PCID2: variants seen among roughly 807,000 people sequenced by gnomAD.
PCID2 encodes the protein PCI domain-containing protein 2.
Under a neutral mutation model 61.3 loss-of-function variants are expected in PCID2, and 41 were observed. The observed-to-expected ratio is 0.67, with a 90% CI of 0.52 to 0.87. The LOEUF is 0.87. Ranked by LOEUF, PCID2 falls within the 40% of genes least tolerant of loss-of-function variation. The probability of loss-of-function intolerance (pLI) is 0.00; values close to 1 mark genes in which losing one functional copy is unlikely to be tolerated. For missense variants in PCID2, 392 were observed against 493.4 expected (o/e 0.79, Z 1.95); for synonymous variants, 187 against 177.8 (o/e 1.05, Z -0.41).
chr13:113,184,360 CT>C lies in PCID2; in HGVS notation c.670del (p.Ser224AlafsTer27), dbSNP rs200240552. On this transcript the variant is annotated frameshift_variant, in exon 9 of 14. Coordinates refer to ENST00000337344, the MANE Select transcript of PCID2 (RefSeq NM_001127202.4). LOFTEE classifies it high-confidence loss of function. ...TAGCAACATACCTTGCTTAAAATCGCTGTCAAACATAGCCTTGCGTCCAACG... is the reference window on the plus strand; with the variant it reads ...TAGCAACATACCTTGCTTAAAATCGCGTCAAACATAGCCTTGCGTCCAACG... Reference protein sequence around the residue: ...YYVGRKAMFDSDFKQAEEYLS... With the variant: ...YYVGRKAMFDXDFKQAEEYLS... 13 of 1,613,344 alleles carry C rather than the reference CT, an allele frequency of 8.1e-6. No homozygotes were observed. The East Asian group carries it at 8.9e-5, about 11-fold the overall frequency.
intron 3 of PCID2, among the ~76,000 whole-genome samples, chr13:113,197,594 A>G (rs962099427): frequency 6.6e-6 from 1 of 152,212 alleles, no homozygotes; most frequent in Non-Finnish European, 1.5e-5. Context: ...TCTGGAACCT[A>G]TCGCACACTG....
chr13:113,207,608 A>G (rs1000141513), intron 1 of PCID2, among the ~76,000 whole-genome samples: 1 of 152,250 alleles, frequency 6.6e-6, no homozygotes, highest in Non-Finnish European at 1.5e-5. Context: ...AAAAACATAC[A>G]TCCATTTCTT....
chr13:113,190,286 T>C (rs1452576424), intron 7 of PCID2, among the ~76,000 whole-genome samples: 1 of 135,118 alleles, frequency 7.4e-6, no homozygotes, highest in Non-Finnish European at 1.6e-5. Flanking sequence ...TGAATGCCAA[T>C]GATAAAGAGA....
chr13:113,199,840 C>A (rs1006282487), intron 2 of PCID2, among the ~76,000 whole-genome samples: 1 of 152,104 alleles, frequency 6.6e-6, no homozygotes, highest in African/African-American at 2.4e-5. Context: ...GTCTGTACAC[C>A]GCCAAACATA....
At chr13:113,207,259 A>G (rs2039944517) in intron 1 of PCID2, among the ~76,000 whole-genome samples, 1 of 152,258 alleles carries the variant, frequency 6.6e-6, no homozygotes, top group Non-Finnish European at 1.5e-5. Flanking sequence ...ATATGAATGC[A>G]AAAGGAAACA....
chr13:113,204,772 C>T lies in PCID2; in HGVS notation c.36+3827G>A, dbSNP rs971960007. 4.6e-5 allele frequency among the ~76,000 whole-genome samples: 7 copies of T among 152,180 alleles called. No homozygotes were observed. In the East Asian group the frequency reaches 1.2e-3, roughly 25 times the overall value. On this transcript the variant is annotated intron_variant, in intron 1 of 13. Transcript: ENST00000337344. Reference sequence around the variant, plus strand: ...GAGGAAAAGCAGGGATGGCAACGGACGGTACTTGCAAGCCCTAAAGGTGCG... The same window carrying T: ...GAGGAAAAGCAGGGATGGCAACGGATGGTACTTGCAAGCCCTAAAGGTGCG...
intron 7 of PCID2, among the ~76,000 whole-genome samples, chr13:113,189,156 C>CTAT (rs1256463597): frequency 2.0e-5 from 3 of 152,126 alleles, no homozygotes; most frequent in Non-Finnish European, 2.9e-5. Context: ...GCCTCCCCTT[C>CTAT]TATCTCCTGC....
downstream of PCID2, among the ~76,000 whole-genome samples, chr13:113,177,207 G>A (rs747818707): frequency 2.0e-5 from 3 of 152,084 alleles, no homozygotes; most frequent in African/African-American, 4.8e-5. Flanking sequence ...GCATGATCTC[G>A]GCTCACTGCA....
rs891598263 is a variant in PCID2 at position 113,200,595 on chromosome 13, C to G, written c.37-79G>C. On this transcript the variant is annotated intron_variant, in intron 1 of 13. Transcript: ENST00000337344. ...AGAACCTACAACAATACACTGAATG[C>G]CACACAGGGGAAAATTCATTTTCCC... is the stretch of plus-strand genomic sequence containing the variant. 4.5e-6 allele frequency: 4 copies of G among 898,126 alleles called. No individual in the cohort carries two copies. The African/African-American group carries it at 6.6e-5, about 15-fold the overall frequency. 55.6% of individuals were successfully genotyped at this position (898,126 alleles called of 1,614,324 possible). A position where few individuals can be genotyped will look rare whatever the true frequency, so the allele number is the denominator to read the frequency against.
intron 3 of PCID2, among the ~76,000 whole-genome samples, chr13:113,197,473 G>A (rs1413277952): frequency 3.3e-5 from 5 of 152,250 alleles, no homozygotes; most frequent in Admixed American, 1.3e-4. Flanking sequence ...GCAGGTTTAT[G>A]AGTAACACAT....
At chr13:113,181,314 C>T (rs2037617902) in intron 9 of PCID2, 84 bp from the exon 10 acceptor site, 1 of 809,572 alleles carries the variant, frequency 1.2e-6, no homozygotes, top group Admixed American at 2.0e-5. Flanking sequence ...CCACTGTCTC[C>T]TGATTTAAAA....
At chr13:113,202,090 A>T (rs1028122733) in intron 1 of PCID2, among the ~76,000 whole-genome samples, 1 of 152,202 alleles carries the variant, frequency 6.6e-6, no homozygotes, top group Non-Finnish European at 1.5e-5. Flanking sequence ...AGGCTCACAC[A>T]TTGGTGATGG....
intron 1 of PCID2, among the ~76,000 whole-genome samples, chr13:113,200,994 A>C (rs1234004973): frequency 1.3e-5 from 2 of 152,218 alleles, no homozygotes; most frequent in East Asian, 3.8e-4. Context: ...TCAGTGGTTT[A>C]TCATGTAGCT....
chr13:113,202,696 G>A (rs1241619125), intron 1 of PCID2, among the ~76,000 whole-genome samples: 2 of 152,190 alleles, frequency 1.3e-5, no homozygotes, highest in African/African-American at 4.8e-5. Flanking sequence ...GTTTATGTCT[G>A]TGTGTGTGTC....
At chr13:113,197,315 C>CAGG in intron 3 of PCID2, 72 bp from the exon 4 acceptor site, 2 of 1,045,868 alleles carry the variant, frequency 1.9e-6, no homozygotes, top group Admixed American at 3.4e-5. Context: ...ACACAGCTCA[C>CAGG]TTCATTGCAC....
intron 7 of PCID2, chr13:113,187,045 G>A (rs1010335650): frequency 2.6e-5 from 4 of 152,158 alleles, no homozygotes; most frequent in Non-Finnish European, 4.4e-5. Flanking sequence ...GCAGGTCTAT[G>A]ACTTTTATCA....
chr13:113,176,194 A>C (rs975699178), downstream of PCID2, among the ~76,000 whole-genome samples: 4 of 152,282 alleles, frequency 2.6e-5, no homozygotes, highest in Non-Finnish European at 5.9e-5. Flanking sequence ...TTTGTAGAAT[A>C]GCCTCTCCTT....
At position 113,196,970 on chromosome 13, in the gene PCID2, CCTTA is replaced by C. The variant is rs377234862; in HGVS notation, c.266+204_266+207del. The C allele has an allele frequency of 3.6e-5, 48 of 1,316,768 alleles. No individual in the cohort carries two copies. The African/African-American group carries it at 4.3e-4, about 12-fold the overall frequency. 81.6% of individuals were successfully genotyped at this position (1,316,768 alleles called of 1,614,324 possible). On this transcript the variant is annotated intron_variant, in intron 4 of 13. Coordinates refer to ENST00000337344, the MANE Select transcript of PCID2 (RefSeq NM_001127202.4). The stretch of plus-strand genomic sequence containing the variant: ...ATCCTTCTTCCTAACCAGTGTTCTT[CCTTA>C]CTAAGTACTGCACGAGTCTTCAGAT...
At chr13:113,176,219 C>G (rs1259211326), downstream of PCID2, among the ~76,000 whole-genome samples, 1 of 152,268 alleles carries the variant, frequency 6.6e-6, no homozygotes, top group African/African-American at 2.4e-5. Context: ...AAGCAGCTTT[C>G]AAATGCAGTA....
Sources: gnomAD v4.1 joint callset for allele counts (sites outside exome capture counted in the v4.1 genomes callset) on GRCh38, gnomAD v4.1.1 for gene constraint, MANE v1.5 for transcripts, NCBI Gene and HGNC (gene_info 2026-07-23, HGNC 2026-07-21) for gene names.